Variants in PYM1 observed in about 807,000 individuals in gnomAD.
PYM1 encodes the protein partner of Y14 and mago.
A neutral mutation model predicts 20.7 loss-of-function variants in PYM1; 7 were observed. That is an observed-to-expected ratio of 0.34 (90% CI 0.19 to 0.64). PYM1 has a LOEUF of 0.64. Ranked by LOEUF, PYM1 falls within the 30% of genes least tolerant of loss-of-function variation. PYM1 has a pLI of 0.74. For synonymous variants in PYM1, 100 were observed against 99.2 expected (o/e 1.01, Z -0.05); for missense variants, 194 against 250.0 (o/e 0.78, Z 1.51).
At chr12:55,916,023 C>CA (rs1883000102) in intron 1 of PYM1, among the ~76,000 whole-genome samples, 1 of 152,190 alleles carries the variant, frequency 6.6e-6, no homozygotes, top group Non-Finnish European at 1.5e-5. Context: ...GCCAAGGAAA[C>CA]AGTCTTCAAG....
At chr12:55,924,427 A>G (rs705711) in intron 1 of PYM1, among the ~76,000 whole-genome samples, 128,003 of 152,068 alleles carry the variant, frequency 0.84, 54,193 homozygotes, top group African/African-American at 0.93. Context: ...AAGATCACTT[A>G]AGGCCAGGAG....
intron 1 of PYM1, among the ~76,000 whole-genome samples, chr12:55,909,470 T>C (rs1390455257): frequency 6.6e-6 from 1 of 152,152 alleles, no homozygotes; most frequent in African/African-American, 2.4e-5. Context: ...ATTTGTCAAA[T>C]GAATTAATCC....
chr12:55,903,495 A>C lies in PYM1; in HGVS notation c.38-15T>G. 6.2e-7 allele frequency: 1 copy of C among 1,612,486 alleles called. No homozygotes were observed. Among genetic ancestry groups the C allele is most frequent in the Non-Finnish European group, 8.5e-7 (1 of 1,179,032 alleles). On this transcript the variant is annotated splice_polypyrimidine_tract_variant and intron_variant, in intron 1 of 2. Coordinates refer to ENST00000408946, the MANE Select transcript of PYM1 (RefSeq NM_032345.3). Reference sequence around the variant, plus strand: ...GATATACTTGCCTAAAATAAGAAAAATCAAGTTGAAAATTACTCTTATTTT... The same window carrying C: ...GATATACTTGCCTAAAATAAGAAAACTCAAGTTGAAAATTACTCTTATTTT...
chr12:55,911,606 C>T (rs1882923946), intron 1 of PYM1, among the ~76,000 whole-genome samples: 1 of 151,842 alleles, frequency 6.6e-6, no homozygotes, highest in African/African-American at 2.4e-5. Flanking sequence ...TTTGGGAGGC[C>T]AAGGTGGGTG....
At chr12:55,922,427 T>C (rs1168528721) in intron 1 of PYM1, among the ~76,000 whole-genome samples, 1 of 124,776 alleles carries the variant, frequency 8.0e-6, no homozygotes, top group East Asian at 2.2e-4. Flanking sequence ...CCAGGCAACA[T>C]AGTGAGACCA....
At position 55,908,420 on chromosome 12, in the gene PYM1, A is replaced by G. The variant is rs142433934; in HGVS notation, c.38-4940T>C. Among the ~76,000 whole-genome samples the G allele has an allele frequency of 4.0e-3, 592 of 149,486 alleles. 5 individuals are homozygous for G. Among genetic ancestry groups the G allele is most frequent in the African/African-American group, 0.014 (566 of 40,788 alleles). ...CTCCAGCTTGGGCAACAGAGTGAAAATCTTTCTCAAAAAAAAAAAAAGAAG... is the reference window on the plus strand; with the variant it reads ...CTCCAGCTTGGGCAACAGAGTGAAAGTCTTTCTCAAAAAAAAAAAAAGAAG... On this transcript the variant is annotated intron_variant, in intron 1 of 2. Coordinates refer to ENST00000408946, the MANE Select transcript of PYM1 (RefSeq NM_032345.3).
At chr12:55,927,029 T>C in intron 1 of PYM1, 1 of 1,488,112 alleles carries the variant, frequency 6.7e-7, no homozygotes, top group Non-Finnish European at 9.0e-7. Context: ...TCCGAACCCC[T>C]GCCCCGAGAG....
intron 1 of PYM1, among the ~76,000 whole-genome samples, chr12:55,905,880 ATATATATATTAT>A (rs1264562547): frequency 5.2e-5 from 6 of 114,338 alleles, no homozygotes; most frequent in South Asian, 5.2e-4. Flanking sequence ...TATCTATTAG[ATATATATATTAT>A]TATATATATC....
chr12:55,922,445 CA>C (rs56355933), intron 1 of PYM1, among the ~76,000 whole-genome samples: 30 of 86,218 alleles, frequency 3.5e-4, no homozygotes, highest in East Asian at 3.3e-3. Flanking sequence ...CCATCTTTAC[CA>C]AAAAAAAAAA....
intron 1 of PYM1, chr12:55,914,077 G>C: frequency 2.4e-6 from 1 of 417,942 alleles, no homozygotes. Context: ...TTCAATTCAG[G>C]CAAGTGTTTT....
chr12:55,905,837 TTAGA>T (rs1164473424), intron 1 of PYM1, among the ~76,000 whole-genome samples: 1 of 113,226 alleles, frequency 8.8e-6, no homozygotes, highest in Admixed American at 1.1e-4. Flanking sequence ...TCTATATATA[TTAGA>T]TATATATATT....
At chr12:55,905,865 A>G (rs1328836298) in intron 1 of PYM1, among the ~76,000 whole-genome samples, 1 of 127,572 alleles carries the variant, frequency 7.8e-6, no homozygotes, top group Non-Finnish European at 1.6e-5. Flanking sequence ...TATTAGATAT[A>G]TATATATCTA....
intron 1 of PYM1, among the ~76,000 whole-genome samples, chr12:55,926,448 C>T (rs146758464): frequency 9.9e-5 from 15 of 152,282 alleles, no homozygotes; most frequent in Admixed American, 3.3e-4. Context: ...TTGCCTTTTC[C>T]CACCTTAGAC....
chr12:55,927,803 C>T lies in PYM1; in HGVS notation c.-42G>A. On this transcript the variant is annotated 5_prime_UTR_variant, in exon 1 of 3. Coordinates refer to ENST00000408946, the MANE Select transcript of PYM1 (RefSeq NM_032345.3). ...GACCAGGTTGGGCGGGCGGCCCTGG[C>T]CTGGCTCTGCCCCGCTGGGCGGCGC... 6.5e-7 allele frequency: 1 copy of T among 1,532,932 alleles called. No individual in the cohort carries two copies. The highest frequency in any genetic ancestry group is 1.2e-5 in the South Asian group (1 of 83,708). The allele number at this position is 1,532,932 out of a possible 1,614,324, so 95.0% of individuals were successfully genotyped here.
intron 1 of PYM1, among the ~76,000 whole-genome samples, chr12:55,924,789 G>A (rs1428263471): frequency 1.3e-5 from 2 of 152,206 alleles, no homozygotes; most frequent in African/African-American, 4.8e-5. Context: ...CGATTCTCCT[G>A]TCTCAACCTC....
chr12:55,901,860 T>G lies in PYM1; in HGVS notation c.*12A>C. The G allele has an allele frequency of 1.3e-6, 2 of 1,590,922 alleles. No homozygotes were observed. Among genetic ancestry groups the G allele is most frequent in the South Asian group, 1.1e-5 (1 of 88,376 alleles). Reference sequence around the variant, plus strand: ...GTTTGTTCTGCAGTCCATTCCCTATTCCCCAAAGGCCTCAGAGGCCTAACT... The same window carrying G: ...GTTTGTTCTGCAGTCCATTCCCTATGCCCCAAAGGCCTCAGAGGCCTAACT... On this transcript the variant is annotated 3_prime_UTR_variant, in exon 3 of 3. Transcript: ENST00000408946.
chr12:55,914,504 T>C (rs956604399), intron 1 of PYM1: 1 of 620,414 alleles, frequency 1.6e-6, no homozygotes. Flanking sequence ...CGTTTTTTAA[T>C]TCTCAATCTA....
At position 55,902,426 on chromosome 12, in the gene PYM1, A is replaced by C. The variant is rs374988561; in HGVS notation, c.132-71T>G. The stretch of plus-strand genomic sequence containing the variant: ...TTTTGATCCCTTTTCTTAAACTTCC[A>C]AACACTTCATCCTCATTACATTCTT... On this transcript the variant is annotated intron_variant, in intron 2 of 2. Coordinates refer to ENST00000408946, the MANE Select transcript of PYM1 (RefSeq NM_032345.3). 5.3e-6 allele frequency: 8 copies of C among 1,523,282 alleles called. 1 individual carries two copies. The highest frequency in any genetic ancestry group is 4.2e-5 in the African/African-American group (3 of 71,866). 94.4% of individuals were successfully genotyped at this position (1,523,282 alleles called of 1,614,324 possible). A position where few individuals can be genotyped will look rare whatever the true frequency, so the allele number is the denominator to read the frequency against.
intron 1 of PYM1, among the ~76,000 whole-genome samples, chr12:55,906,487 T>A (rs924215774): frequency 9.2e-5 from 14 of 152,240 alleles, no homozygotes; most frequent in African/African-American, 3.4e-4. Context: ...TTTGCACCAT[T>A]GGTGCAAAGT....
Sources: allele counts gnomAD v4.1 joint callset (sites outside exome capture counted in the v4.1 genomes callset), GRCh38; gene constraint gnomAD v4.1.1; transcripts MANE v1.5; gene names NCBI Gene and HGNC (gene_info 2026-07-23, HGNC 2026-07-21).